PDE7B: variants seen among roughly 807,000 people sequenced by gnomAD.
The protein encoded by PDE7B is phosphodiesterase 7B, also known as 3',5'-cyclic-AMP phosphodiesterase 7B.
In PDE7B, 29 loss-of-function variants were observed where a neutral mutation model predicts 56.2. That is an observed-to-expected ratio of 0.52 (90% confidence interval 0.38 to 0.70). The LOEUF is 0.70. Among genes scored for constraint, PDE7B ranks in the 30% least tolerant of loss-of-function variants. The pLI is 0.00. For synonymous variants in PDE7B, 197 were observed against 196.9 expected, an observed-to-expected ratio of 1.00 and a Z score of 0.00; for missense variants, 490 against 565.0, an observed-to-expected ratio of 0.87 and a Z score of 1.35.
rs186358754 is a variant in PDE7B at position 136,179,148 on chromosome 6, G to A, written c.948+7G>A. On this transcript the variant is annotated splice_region_variant and intron_variant, in intron 10 of 12. Transcript: ENST00000308191. The stretch of plus-strand genomic sequence containing the variant: ...CAGGCACTTTATGCTTCAGGTAAAC[G>A]AAACAATAAAAGCCATTCTTTTTGC... 2.5e-3 allele frequency: 4,101 copies of A among 1,613,092 alleles called. 64 individuals carry two copies. The African/African-American group carries it at 0.038, about 15-fold the overall frequency.
At chr6:135,879,402 T>C (rs1005625894) in intron 1 of PDE7B, among the ~76,000 whole-genome samples, 2 of 152,076 alleles carry the variant, frequency 1.3e-5, no homozygotes, top group Non-Finnish European at 2.9e-5. Context: ...TAAATAATAA[T>C]ATTCAGAACT....
At chr6:136,172,728 G>C (rs1337584014) in intron 8 of PDE7B, among the ~76,000 whole-genome samples, 1 of 151,978 alleles carries the variant, frequency 6.6e-6, no homozygotes, top group Non-Finnish European at 1.5e-5. Context: ...GTCCTGAATG[G>C]TATTGCCTAG....
At chr6:136,150,335 G>A (rs1394461918) in intron 5 of PDE7B, among the ~76,000 whole-genome samples, 1 of 152,156 alleles carries the variant, frequency 6.6e-6, no homozygotes, top group Non-Finnish European at 1.5e-5. Flanking sequence ...TAGTTTCATA[G>A]TTTCAGGTCT....
intron 2 of PDE7B, 75 bp from the exon 3 acceptor site, chr6:136,108,656 T>C (rs1777693635): frequency 2.1e-6 from 2 of 963,214 alleles, no homozygotes; most frequent in Admixed American, 1.7e-5. Context: ...GTTGGTTTCA[T>C]TGAGGATTTA....
intron 1 of PDE7B, among the ~76,000 whole-genome samples, chr6:135,902,472 C>G (rs968200950): frequency 6.6e-6 from 1 of 151,870 alleles, no homozygotes; most frequent in Non-Finnish European, 1.5e-5. Context: ...TTTTACACAT[C>G]AAATAAAAGA....
intron 1 of PDE7B, among the ~76,000 whole-genome samples, chr6:135,940,561 G>A (rs531085917): frequency 6.6e-6 from 1 of 152,328 alleles, no homozygotes; most frequent in African/African-American, 2.4e-5. Context: ...TTTCTTAACA[G>A]GAGATATCTT....
chr6:136,115,831 G>T (rs1777821799), intron 3 of PDE7B, among the ~76,000 whole-genome samples: 1 of 152,182 alleles, frequency 6.6e-6, no homozygotes, highest in African/African-American at 2.4e-5. Context: ...GCTACCTTCT[G>T]TCTCAGACAG....
intron 2 of PDE7B, among the ~76,000 whole-genome samples, chr6:136,074,447 T>C (rs533716804): frequency 1.1e-3 from 160 of 152,326 alleles, no homozygotes; most frequent in Admixed American, 4.2e-3. Context: ...AATCCAATTA[T>C]ACTTTTTAAG....
intron 2 of PDE7B, among the ~76,000 whole-genome samples, chr6:135,972,163 G>A (rs544172767): frequency 6.8e-6 from 1 of 146,154 alleles, no homozygotes; most frequent in Admixed American, 7.0e-5. Flanking sequence ...GAACCTGGGA[G>A]GCAGAGGTTG....
chr6:135,909,513 C>T (rs1021530605), intron 1 of PDE7B, among the ~76,000 whole-genome samples: 1 of 151,710 alleles, frequency 6.6e-6, no homozygotes, highest in Non-Finnish European at 1.5e-5. Context: ...GGCTGAGGCA[C>T]GAGAATTGCT....
intron 1 of PDE7B, among the ~76,000 whole-genome samples, chr6:135,946,099 A>G (rs963741865): frequency 4.6e-5 from 7 of 152,056 alleles, no homozygotes; most frequent in African/African-American, 1.4e-4. Context: ...TAATGTATCC[A>G]TAAATAATAT....
chr6:135,999,331 C>A (rs1775625753), intron 2 of PDE7B, among the ~76,000 whole-genome samples: 1 of 152,040 alleles, frequency 6.6e-6, no homozygotes, highest in Non-Finnish European at 1.5e-5. Context: ...ACTTGTGTCA[C>A]AAGGGTTTAC....
At chr6:135,935,440 C>T (rs1004249367) in intron 1 of PDE7B, among the ~76,000 whole-genome samples, 3 of 151,338 alleles carry the variant, frequency 2.0e-5, no homozygotes, top group Admixed American at 6.6e-5. Context: ...ATATTCTTCT[C>T]TTTAAGGATT....
intron 1 of PDE7B, among the ~76,000 whole-genome samples, chr6:135,920,523 C>T (rs1774054225): frequency 6.6e-6 from 1 of 152,166 alleles, no homozygotes; most frequent in Non-Finnish European, 1.5e-5. Context: ...AGACCAGTCT[C>T]TCTGGACTAT....
At chr6:135,998,768 A>T (rs1775612743) in intron 2 of PDE7B, among the ~76,000 whole-genome samples, 3 of 145,498 alleles carry the variant, frequency 2.1e-5, no homozygotes, top group Non-Finnish European at 4.7e-5. Context: ...AATAAAAAAA[A>T]ATAAAAAATA....
intron 2 of PDE7B, chr6:136,037,933 T>C: frequency 1.7e-6 from 2 of 1,189,428 alleles, no homozygotes; most frequent in South Asian, 1.6e-5. Context: ...CTGGGATTAA[T>C]TAAGTGCTGT....
At chr6:136,103,956 G>C (rs1420636746) in intron 2 of PDE7B, among the ~76,000 whole-genome samples, 1 of 152,152 alleles carries the variant, frequency 6.6e-6, no homozygotes, top group Admixed American at 6.5e-5. Context: ...AGTTACATAA[G>C]AGGCTACATA....
At position 135,984,879 on chromosome 6, in the gene PDE7B, A is replaced by C. The variant is rs777778529; in HGVS notation, c.82+37355A>C. Among the ~76,000 whole-genome samples the C allele has an allele frequency of 4.6e-5, 7 of 152,002 alleles. No individual in the cohort carries two copies. In the East Asian group the frequency reaches 1.4e-3, roughly 29 times the overall value. On this transcript the variant is annotated intron_variant, in intron 2 of 12. Transcript: ENST00000308191. ...GCTCAGAGCTTAGAGCTGTTGCTAC[A>C]CTTTTCTGATCCCACCTGCCCAGCT...
intron 1 of PDE7B, among the ~76,000 whole-genome samples, chr6:135,934,241 T>C (rs1335887090): frequency 4.6e-5 from 7 of 152,178 alleles, no homozygotes; most frequent in Admixed American, 4.6e-4. Context: ...GTGACCTTTA[T>C]ATAATTTTTC....
Sources: gnomAD v4.1 joint callset for allele counts (sites outside exome capture counted in the v4.1 genomes callset) on GRCh38, gnomAD v4.1.1 for gene constraint, MANE v1.5 for transcripts, NCBI Gene and HGNC (gene_info 2026-07-23, HGNC 2026-07-21) for gene names.